The following EPHA5 variants were observed in gnomAD, a reference collection of about 807,000 sequenced individuals.
EPHA5 encodes the protein ephrin type-A receptor 5.
In EPHA5, 60 loss-of-function variants were observed where a neutral mutation model predicts 105.0. The observed-to-expected ratio is 0.57, with a 90% CI of 0.46 to 0.71. EPHA5 has a LOEUF of 0.71. Among genes scored for constraint, EPHA5 ranks in the 30% least tolerant of loss-of-function variants. EPHA5 has a pLI of 0.00. For synonymous variants in EPHA5, 513 were observed against 449.1 expected (o/e 1.14, Z -1.80); for missense variants, 1,218 against 1,274.7 (o/e 0.96, Z 0.68).
At chr4:65,574,659 TATATATACAC>T (rs1357355012) in intron 3 of EPHA5, among the ~76,000 whole-genome samples, 7 of 61,406 alleles carry the variant, frequency 1.1e-4, no homozygotes, top group Non-Finnish European at 1.9e-4. Flanking sequence ...TATACACATA[TATATATACAC>T]ATATATATAC....
chr4:65,425,221 C>T (rs926672666), intron 5 of EPHA5, among the ~76,000 whole-genome samples: 2 of 151,882 alleles, frequency 1.3e-5, no homozygotes, highest in African/African-American at 2.4e-5. Flanking sequence ...AGTCCCTACA[C>T]GTCAGTCATG....
chr4:65,662,693 A>G (rs9784550), intron 1 of EPHA5, among the ~76,000 whole-genome samples: 130,646 of 152,154 alleles, frequency 0.86, 56,514 homozygotes, highest in Non-Finnish European at 0.91. Context: ...AAATTAGAAT[A>G]TGTGAGTGTG....
At chr4:65,622,801 T>G (rs2149478550) in intron 2 of EPHA5, among the ~76,000 whole-genome samples, 1 of 152,086 alleles carries the variant, frequency 6.6e-6, no homozygotes, top group East Asian at 1.9e-4. Flanking sequence ...AAAAAAGAAA[T>G]AAATCCTGTC....
intron 3 of EPHA5, among the ~76,000 whole-genome samples, chr4:65,601,229 T>A (rs1193895916): frequency 1.3e-5 from 2 of 152,270 alleles, no homozygotes; most frequent in Admixed American, 6.5e-5. Context: ...CCAAAACTAG[T>A]CTAATCTAAG....
At chr4:65,503,911 A>ACACACACG (rs1474909804) in intron 3 of EPHA5, among the ~76,000 whole-genome samples, 228 of 45,268 alleles carry the variant, frequency 5.0e-3, no homozygotes, top group African/African-American at 0.025. Context: ...TGTGTGATAC[A>ACACACACG]CACACACACA....
chr4:65,526,765 G>T (rs75143823), intron 3 of EPHA5, among the ~76,000 whole-genome samples: 1 of 151,748 alleles, frequency 6.6e-6, no homozygotes, highest in African/African-American at 2.4e-5. Flanking sequence ...ACAACTGCAT[G>T]GAATGGCTAC....
intron 3 of EPHA5, among the ~76,000 whole-genome samples, chr4:65,498,741 T>C (rs1476837616): frequency 6.6e-6 from 1 of 151,756 alleles, no homozygotes; most frequent in Non-Finnish European, 1.5e-5. Context: ...TGAAATGTGT[T>C]GGAGAAGATA....
At chr4:65,460,590 T>C (rs1728030810) in intron 5 of EPHA5, among the ~76,000 whole-genome samples, 1 of 151,530 alleles carries the variant, frequency 6.6e-6, no homozygotes. Context: ...TTTAAATATT[T>C]TATATAATAT....
chr4:65,506,350 T>A lies in EPHA5; in HGVS notation c.911-10807A>T, dbSNP rs536015229. On this transcript the variant is annotated intron_variant, in intron 3 of 16. Transcript: ENST00000613740. ...TTTATTGCAGAATGATTTATAATCCTTTGGGTATATACCCAGTAATGGGAT... is the reference window on the plus strand; with the variant it reads ...TTTATTGCAGAATGATTTATAATCCATTGGGTATATACCCAGTAATGGGAT... Among the ~76,000 whole-genome samples, 22 of 147,872 alleles carry A rather than the reference T, an allele frequency of 1.5e-4. No homozygotes were observed. The South Asian group carries it at 4.7e-3, about 32-fold the overall frequency.
intron 3 of EPHA5, among the ~76,000 whole-genome samples, chr4:65,520,621 C>T (rs775184866): frequency 6.6e-6 from 1 of 152,100 alleles, no homozygotes; most frequent in Non-Finnish European, 1.5e-5. Context: ...TTTTTGCAAT[C>T]TACTCATCTG....
intron 8 of EPHA5, among the ~76,000 whole-genome samples, chr4:65,391,863 C>A (rs568580468): frequency 2.0e-5 from 3 of 152,100 alleles, no homozygotes; most frequent in Non-Finnish European, 4.4e-5. Context: ...TCATTTGATT[C>A]TTTACTTAAA....
intron 5 of EPHA5, among the ~76,000 whole-genome samples, chr4:65,476,915 A>G (rs997950020): frequency 1.3e-5 from 2 of 152,162 alleles, no homozygotes; most frequent in African/African-American, 4.8e-5. Flanking sequence ...CATAAACAAC[A>G]AAAAATTGAT....
intron 5 of EPHA5, among the ~76,000 whole-genome samples, chr4:65,488,800 C>T (rs1578234017): frequency 6.6e-6 from 1 of 151,870 alleles, no homozygotes; most frequent in African/African-American, 2.4e-5. Flanking sequence ...TAATCACATG[C>T]TTCACACAAT....
At position 65,570,130 on chromosome 4, in the gene EPHA5, G is replaced by C. The variant is rs539963314; in HGVS notation, c.910+31511C>G. On this transcript the variant is annotated intron_variant, in intron 3 of 16. Transcript: ENST00000613740. ...TCCAACACTGTATGAGTTCAGAGAA[G>C]TTCTTCCCACTCCCAAGATATTCTT... 4.0e-5 allele frequency among the ~76,000 whole-genome samples: 6 copies of C among 151,760 alleles called. No homozygotes were observed. In the South Asian group the frequency reaches 1.2e-3, roughly 31 times the overall value.
At chr4:65,447,939 G>A (rs1381405348) in intron 5 of EPHA5, among the ~76,000 whole-genome samples, 1 of 151,986 alleles carries the variant, frequency 6.6e-6, no homozygotes, top group Non-Finnish European at 1.5e-5. Context: ...GAAAGAACAA[G>A]AACATAAGAT....
chr4:65,582,271 T>C (rs1032746523), intron 3 of EPHA5, among the ~76,000 whole-genome samples: 1 of 151,672 alleles, frequency 6.6e-6, no homozygotes, highest in African/African-American at 2.4e-5. Context: ...ATTCTATTCT[T>C]AGACTGAGAC....
At chr4:65,456,739 CACAT>C (rs959522073) in intron 5 of EPHA5, among the ~76,000 whole-genome samples, 2 of 151,860 alleles carry the variant, frequency 1.3e-5, no homozygotes, top group African/African-American at 4.8e-5. Context: ...CACACACACA[CACAT>C]ACACATTGCT....
At chr4:65,449,740 T>A (rs1483171822) in intron 5 of EPHA5, among the ~76,000 whole-genome samples, 1 of 152,164 alleles carries the variant, frequency 6.6e-6, no homozygotes, top group Non-Finnish European at 1.5e-5. Context: ...CCTACTCTGA[T>A]ATGACTGTGT....
intron 2 of EPHA5, among the ~76,000 whole-genome samples, chr4:65,638,442 T>C (rs1467040974): frequency 6.6e-6 from 1 of 152,106 alleles, no homozygotes; most frequent in Non-Finnish European, 1.5e-5. Context: ...TTACATGATA[T>C]ATGTAAATAG....
Sources: allele counts gnomAD v4.1 joint callset (sites outside exome capture counted in the v4.1 genomes callset), GRCh38; gene constraint gnomAD v4.1.1; transcripts MANE v1.5; gene names NCBI Gene and HGNC (gene_info 2026-07-23, HGNC 2026-07-21).